The following NAALADL2 variants were observed in gnomAD, a reference collection of about 807,000 sequenced individuals.
The protein encoded by NAALADL2 is N-acetylated alpha-linked acidic dipeptidase like 2, also known as inactive N-acetylated-alpha-linked acidic dipeptidase-like protein 2.
A neutral mutation model predicts 87.2 loss-of-function variants in NAALADL2; 76 were observed. The observed-to-expected ratio is 0.87, with a 90% CI of 0.72 to 1.05. The LOEUF (loss-of-function observed/expected upper bound fraction) is 1.05. NAALADL2 is among the 50% of genes least tolerant of loss of function. The pLI, the probability that NAALADL2 is intolerant of heterozygous loss-of-function variation, is 0.00. For synonymous variants in NAALADL2, 354 were observed against 331.0 expected, an observed-to-expected ratio of 1.07 and a Z score of -0.75; for missense variants, 1,089 against 945.8, an observed-to-expected ratio of 1.15 and a Z score of -1.99.
chr3:175,209,583 C>T (rs1184255360), intron 2 of NAALADL2, among the ~76,000 whole-genome samples: 2 of 151,938 alleles, frequency 1.3e-5, no homozygotes, highest in African/African-American at 4.8e-5. Context: ...TAGATGATGT[C>T]TTGTACATGT....
chr3:174,491,998 G>T (rs779496996), intron 1 of NAALADL2, among the ~76,000 whole-genome samples: 2 of 152,084 alleles, frequency 1.3e-5, no homozygotes, highest in Non-Finnish European at 2.9e-5. Context: ...GGCCAGGCAC[G>T]GTGGCTCATG....
chr3:175,302,014 G>A lies in NAALADL2; in HGVS notation c.940-22161G>A, dbSNP rs115276887. On this transcript the variant is annotated intron_variant, in intron 4 of 13. Coordinates refer to ENST00000454872, the MANE Select transcript of NAALADL2 (RefSeq NM_207015.3). ...TTAATTTACTTTAAGAAGATAAAGC[G>A]TAGAATGAATTTGATCATGGTGATG... 8.6e-3 allele frequency among the ~76,000 whole-genome samples: 1,304 copies of A among 151,932 alleles called. 25 individuals carry two copies. Among genetic ancestry groups the A allele is most frequent in the African/African-American group, 0.03 (1,229 of 41,360 alleles).
At chr3:174,726,707 GCTAA>G (rs1018697117) in intron 2 of NAALADL2, among the ~76,000 whole-genome samples, 3 of 151,676 alleles carry the variant, frequency 2.0e-5, no homozygotes, top group Non-Finnish European at 4.4e-5. Flanking sequence ...ATTCCTTCTT[GCTAA>G]CTTTCTTAGG....
chr3:175,367,578 C>G (rs1433553353), intron 5 of NAALADL2, among the ~76,000 whole-genome samples: 4 of 152,100 alleles, frequency 2.6e-5, no homozygotes, highest in African/African-American at 9.7e-5. Context: ...CCTCCACGTC[C>G]CTTGTAAGTT....
At chr3:174,846,858 A>T (rs1324579880) in intron 3 of NAALADL2, among the ~76,000 whole-genome samples, 1 of 152,146 alleles carries the variant, frequency 6.6e-6, no homozygotes, top group Non-Finnish European at 1.5e-5. Context: ...ATGTTTTAGG[A>T]AGACCACTAT....
At chr3:175,240,687 C>T (rs1168329129) in intron 3 of NAALADL2, among the ~76,000 whole-genome samples, 1 of 152,196 alleles carries the variant, frequency 6.6e-6, no homozygotes, top group Non-Finnish European at 1.5e-5. Context: ...TGGAGTTTCG[C>T]TCTTGTTGCC....
chr3:175,671,812 G>A (rs1734044361), intron 11 of NAALADL2, among the ~76,000 whole-genome samples: 2 of 151,820 alleles, frequency 1.3e-5, no homozygotes, highest in Non-Finnish European at 2.9e-5. Flanking sequence ...TGGAAATAAT[G>A]TTACTATTTT....
intron 2 of NAALADL2, among the ~76,000 whole-genome samples, chr3:174,713,701 C>A (rs1189377948): frequency 6.6e-6 from 1 of 151,624 alleles, no homozygotes; most frequent in East Asian, 1.9e-4. Context: ...TGGATATTAG[C>A]CCTTTGTCAG....
chr3:175,449,890 T>C (rs1721288977), intron 6 of NAALADL2, among the ~76,000 whole-genome samples: 1 of 152,228 alleles, frequency 6.6e-6, no homozygotes, highest in Non-Finnish European at 1.5e-5. Flanking sequence ...GATATTGTTA[T>C]GTTTTTAGAA....
rs549329705 is a variant in NAALADL2 at position 175,668,892 on chromosome 3, T to TAA, written c.1896+41507_1896+41508dup. Among the ~76,000 whole-genome samples, 247 of 152,258 alleles carry TAA rather than the reference T, an allele frequency of 1.6e-3. 1 individual carries two copies. The highest frequency in any genetic ancestry group is 5.5e-3 in the African/African-American group (230 of 41,558). ...AAATTTTGTGACTTAAAATGGACATTAATTAATAGCAGTTATTATTTATTA... is the reference window on the plus strand; with the variant it reads ...AAATTTTGTGACTTAAAATGGACATTAAAATTAATAGCAGTTATTATTTATTA... On this transcript the variant is annotated intron_variant, in intron 11 of 13. Transcript: ENST00000454872.
intron 3 of NAALADL2, among the ~76,000 whole-genome samples, chr3:174,842,164 C>T (rs946748435): frequency 6.6e-6 from 1 of 151,728 alleles, no homozygotes. Flanking sequence ...TGATTCTCCT[C>T]CCTCAGCTTC....
At chr3:175,137,348 A>G (rs1729263361) in intron 2 of NAALADL2, among the ~76,000 whole-genome samples, 2 of 152,222 alleles carry the variant, frequency 1.3e-5, no homozygotes, top group South Asian at 4.1e-4. Context: ...ATATCATTAG[A>G]ATTTCATAAC....
chr3:175,012,418 A>G (rs138924859), intron 1 of NAALADL2, among the ~76,000 whole-genome samples: 1 of 152,118 alleles, frequency 6.6e-6, no homozygotes, highest in East Asian at 1.9e-4. Context: ...TCCGCCCACA[A>G]CGGCCTCCCA....
chr3:175,277,134 A>T (rs545442801), intron 4 of NAALADL2, among the ~76,000 whole-genome samples: 42 of 152,298 alleles, frequency 2.8e-4, no homozygotes, highest in African/African-American at 8.4e-4. Context: ...ATAGACAAAT[A>T]TATGTTTAAA....
chr3:174,817,267 G>A (rs1410138846), intron 3 of NAALADL2, among the ~76,000 whole-genome samples: 1 of 152,136 alleles, frequency 6.6e-6, no homozygotes, highest in African/African-American at 2.4e-5. Flanking sequence ...AAATATCCCT[G>A]GAGACAACTT....
chr3:175,677,052 G>A lies in NAALADL2; in HGVS notation c.1896+49666G>A, dbSNP rs118076883. ...TTTAAACCCTTGCATACTTGAAGGGGCCTGTCTGTTGCCTTAAAAGATAAA... is the reference window on the plus strand; with the variant it reads ...TTTAAACCCTTGCATACTTGAAGGGACCTGTCTGTTGCCTTAAAAGATAAA... On this transcript the variant is annotated intron_variant, in intron 11 of 13. Transcript: ENST00000454872. Among the ~76,000 whole-genome samples the A allele has an allele frequency of 1.7e-3, 256 of 152,082 alleles. 3 individuals are homozygous for A. The East Asian group carries it at 0.035, about 21-fold the overall frequency.
intron 3 of NAALADL2, among the ~76,000 whole-genome samples, chr3:174,772,681 G>T (rs889683249): frequency 1.3e-5 from 2 of 152,082 alleles, no homozygotes; most frequent in Non-Finnish European, 2.9e-5. Context: ...ATTAATTTAC[G>T]TGAATGAAGT....
chr3:175,214,101 A>G (rs1004178852), intron 2 of NAALADL2, among the ~76,000 whole-genome samples: 5 of 152,200 alleles, frequency 3.3e-5, no homozygotes, highest in African/African-American at 7.2e-5. Flanking sequence ...TATGTGAATG[A>G]CTTTTTGAAA....
intron 2 of NAALADL2, among the ~76,000 whole-genome samples, chr3:174,676,726 CATT>C (rs1372327704): frequency 6.6e-6 from 1 of 151,762 alleles, no homozygotes; most frequent in African/African-American, 2.4e-5. Context: ...TATTTATTGT[CATT>C]ATCTTTCATC....
Sources: gnomAD v4.1 joint callset for allele counts (sites outside exome capture counted in the v4.1 genomes callset) on GRCh38, gnomAD v4.1.1 for gene constraint, MANE v1.5 for transcripts, NCBI Gene and HGNC (gene_info 2026-07-23, HGNC 2026-07-21) for gene names.